CHUK: variants seen among roughly 807,000 people sequenced by gnomAD.
The protein encoded by CHUK is component of inhibitor of nuclear factor kappa B kinase complex.
In CHUK, 35 loss-of-function variants were observed where a neutral mutation model predicts 104.8. That is an observed-to-expected ratio of 0.33 (90% CI 0.26 to 0.44). The LOEUF is 0.44. CHUK is among the 20% of genes least tolerant of loss of function. CHUK has a pLI of 1.00. For missense variants in CHUK, 663 were observed against 902.7 expected, an observed-to-expected ratio of 0.73 and a Z score of 3.40; for synonymous variants, 276 against 291.9, an observed-to-expected ratio of 0.95 and a Z score of 0.56.
chr10:100,225,472 T>C (rs1237270625), intron 2 of CHUK, among the ~76,000 whole-genome samples: 1 of 152,234 alleles, frequency 6.6e-6, no homozygotes, highest in Non-Finnish European at 1.5e-5. Context: ...TTCATGAATA[T>C]ACCACATTTT....
At chr10:100,213,374 C>T (rs1222026786) in intron 9 of CHUK, among the ~76,000 whole-genome samples, 8 of 151,856 alleles carry the variant, frequency 5.3e-5, no homozygotes, top group Admixed American at 2.0e-4. Flanking sequence ...ATTCCAACTA[C>T]GCGGGAGGCT....
intron 3 of CHUK, 65 bp from the exon 4 acceptor site, chr10:100,222,246 A>G: frequency 2.6e-6 from 2 of 776,406 alleles, no homozygotes; most frequent in Non-Finnish European, 4.5e-6. Flanking sequence ...GTGACCACAC[A>G]TTAATTACTA....
rs1043129846 is a variant in CHUK at position 100,218,579 on chromosome 10, C to G, written c.797+139G>C. ...TCAAGTAGTCAATAACCTCATGTGG[C>G]CAACAGAAATATAGAAGGTTTCTAC... On this transcript the variant is annotated intron_variant, in intron 8 of 20. Coordinates refer to ENST00000370397, the MANE Select transcript of CHUK (RefSeq NM_001278.5). The G allele has an allele frequency of 1.4e-5, 10 of 701,946 alleles. No homozygotes were observed. In the Admixed American group the frequency reaches 1.8e-4, roughly 13 times the overall value. 43.5% of individuals were successfully genotyped at this position (701,946 alleles called of 1,614,324 possible). A position where few individuals can be genotyped will look rare whatever the true frequency, so the allele number is the denominator to read the frequency against.
At chr10:100,199,143 T>C (rs964448852) in intron 16 of CHUK, among the ~76,000 whole-genome samples, 2 of 152,184 alleles carry the variant, frequency 1.3e-5, no homozygotes, top group Non-Finnish European at 1.5e-5. Flanking sequence ...CCAGCAGACC[T>C]TGCTCAGTAT....
At chr10:100,193,603 TG>T in intron 18 of CHUK, 172 bp from the exon 19 acceptor site, 1 of 769,668 alleles carries the variant, frequency 1.3e-6, no homozygotes, top group Non-Finnish European at 2.1e-6. Flanking sequence ...AACCTGTCCT[TG>T]GACCCTTTCT....
In CHUK at chr10:100,222,109, T is replaced by C; in HGVS notation, c.385+3A>G. The C allele has an allele frequency of 6.8e-7, 1 of 1,462,278 alleles. No homozygotes were observed. Among genetic ancestry groups the C allele is most frequent in the South Asian group, 1.1e-5 (1 of 87,834 alleles). 90.6% of individuals were successfully genotyped at this position (1,462,278 alleles called of 1,614,324 possible). ...ACAATGGTATTTTAATACTGATACGTACCTATATCACTTAGTAAAGAAAGT... is the reference window on the plus strand; with the variant it reads ...ACAATGGTATTTTAATACTGATACGCACCTATATCACTTAGTAAAGAAAGT... On this transcript the variant is annotated splice_donor_region_variant and intron_variant, in intron 4 of 20. Coordinates refer to ENST00000370397, the MANE Select transcript of CHUK (RefSeq NM_001278.5).
At chr10:100,189,648 G>T (rs760464310) in intron 20 of CHUK, 21 bp from the exon 21 acceptor site, 1 of 1,595,022 alleles carries the variant, frequency 6.3e-7, no homozygotes, top group Non-Finnish European at 8.6e-7. Flanking sequence ...GCATGAAAAA[G>T]TTACAATTAG....
chr10:100,194,206 AG>A, intron 17 of CHUK, 75 bp from the exon 18 acceptor site: 1 of 1,517,712 alleles, frequency 6.6e-7, no homozygotes, highest in Non-Finnish European at 9.1e-7. Flanking sequence ...AACCCAGCTG[AG>A]GAAATGAACC....
chr10:100,209,488 C>G, intron 10 of CHUK, 107 bp downstream of exon 10: 1 of 732,478 alleles, frequency 1.4e-6, no homozygotes, highest in Non-Finnish European at 2.4e-6. Flanking sequence ...AAAACCAAAA[C>G]AAAATGTGCG....
intron 9 of CHUK, among the ~76,000 whole-genome samples, chr10:100,211,869 T>A (rs559894615): frequency 5.5e-5 from 8 of 146,002 alleles, no homozygotes; most frequent in Non-Finnish European, 1.1e-4. Flanking sequence ...TTGTTGAATC[T>A]TACAGTTCTA....
intron 11 of CHUK, among the ~76,000 whole-genome samples, chr10:100,206,121 T>C (rs1845585652): frequency 1.3e-5 from 2 of 151,844 alleles, no homozygotes. Context: ...TAAGATGAGA[T>C]CTTAGAACAG....
rs1464366363 is a variant in CHUK at position 100,190,921 on chromosome 10, T to A, written c.2156A>T (p.His719Leu). ...TGCCTCATGAATAATAGTGCTTAAA[T>A]GGCCAAGGCAGTTCAAATTTTCTTC... The part of the protein sequence containing the change: ...MIEENLNCLG[H>L]LSTIIHEANE... The change falls in exon 20 of 21, where the codon CAT becomes CTT. Residue 719 changes from histidine (H) to leucine (L), a missense_variant. Physicochemically the swap from His to Leu is moderately conservative, Grantham distance 99. Coordinates refer to ENST00000370397, the MANE Select transcript of CHUK (RefSeq NM_001278.5). The A allele has an allele frequency of 6.2e-7, 1 of 1,613,098 alleles. No individual in the cohort carries two copies. Among genetic ancestry groups the A allele is most frequent in the Admixed American group, 1.7e-5 (1 of 60,032 alleles).
At chr10:100,192,384 A>G (rs1235656229) in intron 19 of CHUK, 1 of 152,672 alleles carries the variant, frequency 6.5e-6, no homozygotes, top group Non-Finnish European at 1.5e-5. Flanking sequence ...TTGTAGGTGT[A>G]CTGCATTGGG....
In CHUK at chr10:100,200,788, A is replaced by G; in HGVS notation, c.1570-8T>C. 6.9e-7 allele frequency: 1 copy of G among 1,440,738 alleles called. No individual in the cohort carries two copies. Among genetic ancestry groups the G allele is most frequent in the Non-Finnish European group, 9.8e-7 (1 of 1,022,746 alleles). The allele number at this position is 1,440,738 out of a possible 1,614,324, so 89.2% of individuals were successfully genotyped here. A position where few individuals can be genotyped will look rare whatever the true frequency, so the allele number is the denominator to read the frequency against. The stretch of plus-strand genomic sequence containing the variant: ...GTATCCAATGACACCAACCTAAAAT[A>G]TGATGAAAATACAAAGGAAATGAAA... On this transcript the variant is annotated splice_polypyrimidine_tract_variant and splice_region_variant and intron_variant, in intron 14 of 20. Transcript: ENST00000370397.
At chr10:100,201,961 C>T (rs1845473345) in intron 14 of CHUK, 127 bp downstream of exon 14, 2 of 758,826 alleles carry the variant, frequency 2.6e-6, no homozygotes, top group Non-Finnish European at 4.7e-6. Context: ...TACAAAGCAT[C>T]TACTAGAATT....
chr10:100,226,061 G>T, intron 1 of CHUK, 44 bp from the exon 2 acceptor site: 3 of 1,159,792 alleles, frequency 2.6e-6, no homozygotes, highest in Admixed American at 1.7e-5. Flanking sequence ...TTAGGTTCTT[G>T]TGAAGATTTA....
At chr10:100,217,747 C>T (rs748652345) in intron 9 of CHUK, among the ~76,000 whole-genome samples, 1 of 152,062 alleles carries the variant, frequency 6.6e-6, no homozygotes, top group African/African-American at 2.4e-5. Flanking sequence ...CATGGTGGTG[C>T]ACACCTTTAG....
chr10:100,204,570 C>T lies in CHUK; in HGVS notation c.1443G>A (p.Glu481=), dbSNP rs534839081. ...CAAGCTGAATGCTTTTGTGAAAAAA[C>T]TCCAATTTAGCTTTCAGTTGTTGTG... ...SASQQLKAKL[E]FFHKSIQLDL... Residue 481 remains glutamate (E), a synonymous_variant, in exon 13 of 21, where the codon GAG becomes GAA. Coordinates refer to ENST00000370397, the MANE Select transcript of CHUK (RefSeq NM_001278.5). The T allele has an allele frequency of 7.4e-6, 12 of 1,613,620 alleles. No homozygotes were observed. The South Asian group carries it at 9.9e-5, about 13-fold the overall frequency.
chr10:100,207,143 C>G (rs1339256123), intron 11 of CHUK, 87 bp downstream of exon 11: 1 of 760,786 alleles, frequency 1.3e-6, no homozygotes, highest in Non-Finnish European at 2.4e-6. Flanking sequence ...AACACAACAC[C>G]AAAAGTCCAT....
Sources: gnomAD v4.1 joint callset for allele counts (sites outside exome capture counted in the v4.1 genomes callset) on GRCh38, gnomAD v4.1.1 for gene constraint, MANE v1.5 for transcripts, NCBI Gene and HGNC (gene_info 2026-07-23, HGNC 2026-07-21) for gene names.